The following PCGF3 variants were observed in gnomAD, a reference collection of about 807,000 sequenced individuals.
PCGF3 encodes polycomb group RING finger protein 3.
A neutral mutation model predicts 33.1 loss-of-function variants in PCGF3; 7 were observed. The observed-to-expected ratio is 0.21, with a 90% CI of 0.12 to 0.40. The LOEUF is 0.40. PCGF3 is among the 10% of genes least tolerant of loss of function. PCGF3 has a pLI of 1.00. For synonymous variants in PCGF3, 153 were observed against 121.3 expected (o/e 1.26, Z -1.72); for missense variants, 211 against 313.3 (o/e 0.67, Z 2.46).
chr4:760,103 C>T (rs1052752243), intron 8 of PCGF3, among the ~76,000 whole-genome samples: 3 of 152,248 alleles, frequency 2.0e-5, no homozygotes, highest in Non-Finnish European at 4.4e-5. Flanking sequence ...CTTATCTCCC[C>T]AGTGGCTCTT....
At chr4:712,069 C>T (rs913435211) in intron 1 of PCGF3, among the ~76,000 whole-genome samples, 1 of 151,996 alleles carries the variant, frequency 6.6e-6, no homozygotes, top group Non-Finnish European at 1.5e-5. Flanking sequence ...TATTATGATA[C>T]TTGCTGTTAA....
chr4:751,702 C>G (rs1427629005), intron 8 of PCGF3, among the ~76,000 whole-genome samples: 1 of 152,002 alleles, frequency 6.6e-6, no homozygotes, highest in Non-Finnish European at 1.5e-5. Flanking sequence ...CCGGTGGCCC[C>G]TCCAAAGGGC....
chr4:753,763 C>G (rs1577435177), intron 8 of PCGF3, among the ~76,000 whole-genome samples: 1 of 152,142 alleles, frequency 6.6e-6, no homozygotes, highest in African/African-American at 2.4e-5. Flanking sequence ...GCCTGGGCAA[C>G]AAGGTGAAAC....
At chr4:730,332 C>T (rs541567358) in intron 1 of PCGF3, among the ~76,000 whole-genome samples, 2 of 152,290 alleles carry the variant, frequency 1.3e-5, no homozygotes, top group East Asian at 3.9e-4. Context: ...CACATCCTGC[C>T]TTCTTGGGCC....
exon 11 of PCGF3, chr4:766,156 C>A (rs368273258): frequency 8.4e-7 from 1 of 1,189,094 alleles, no homozygotes; most frequent in African/African-American, 1.5e-5. Flanking sequence ...AGAACATTGC[C>A]TCTGGGTGTC....
At chr4:741,644 T>C (rs556552022) in intron 6 of PCGF3, among the ~76,000 whole-genome samples, 11 of 152,208 alleles carry the variant, frequency 7.2e-5, no homozygotes, top group African/African-American at 1.9e-4. Context: ...CCTGACCTCA[T>C]GATCCGCCCG....
At chr4:741,086 A>G (rs1182072342) in intron 6 of PCGF3, among the ~76,000 whole-genome samples, 1 of 152,246 alleles carries the variant, frequency 6.6e-6, no homozygotes, top group African/African-American at 2.4e-5. Context: ...TACTGTAGCT[A>G]TGCTGAGAGC....
In PCGF3 at chr4:736,588, A is replaced by G. The variant is rs759318397; in HGVS notation, c.207-878A>G. Among the ~76,000 whole-genome samples, 333 of 94,968 alleles carry G rather than the reference A, an allele frequency of 3.5e-3. 16 individuals carry two copies. The highest frequency in any genetic ancestry group is 7.0e-3 in the African/African-American group (162 of 23,094). The allele number at this position is 94,968 out of a possible 152,430, so 62.3% of individuals were successfully genotyped here. A position where few individuals can be genotyped will look rare whatever the true frequency, so the allele number is the denominator to read the frequency against. Reference sequence around the variant, plus strand: ...GGTGTCCCCTGAGCGCACAGGATGCAGGGAACCTGGGGTGTCCGCAGGGAC... The same window carrying G: ...GGTGTCCCCTGAGCGCACAGGATGCGGGGAACCTGGGGTGTCCGCAGGGAC... On this transcript the variant is annotated intron_variant, in intron 5 of 10. Coordinates refer to ENST00000362003, the Ensembl canonical transcript of PCGF3.
intron 3 of PCGF3, chr4:731,366 C>T (rs1021574787): frequency 1.5e-5 from 6 of 397,622 alleles, no homozygotes; most frequent in Admixed American, 4.4e-5. Context: ...CTTGGGTTCC[C>T]GGCGTGTCGC....
chr4:712,608 G>A (rs753061687), intron 1 of PCGF3, among the ~76,000 whole-genome samples: 16 of 152,072 alleles, frequency 1.1e-4, no homozygotes, highest in Non-Finnish European at 1.5e-4. Context: ...CACCATGCCC[G>A]GCTAAGTTTT....
At chr4:737,826 G>A (rs1289517567) in intron 6 of PCGF3, among the ~76,000 whole-genome samples, 1 of 152,130 alleles carries the variant, frequency 6.6e-6, no homozygotes, top group Non-Finnish European at 1.5e-5. Flanking sequence ...CTTCTTCCTG[G>A]GCCCCACCTC....
intron 1 of PCGF3, chr4:723,824 C>T (rs78140996): frequency 0.041 from 6,266 of 152,656 alleles, 170 homozygotes; most frequent in East Asian, 0.093. Flanking sequence ...GTGTGTGACG[C>T]GTCAGGCCCC....
intron 1 of PCGF3, among the ~76,000 whole-genome samples, chr4:727,408 T>C (rs1229935644): frequency 6.6e-6 from 1 of 151,852 alleles, no homozygotes; most frequent in Admixed American, 6.6e-5. Context: ...ACCTGGCTAA[T>C]TTTTTGTATT....
chr4:721,903 G>A lies in PCGF3; in HGVS notation c.-189-8727G>A, dbSNP rs1287881112. Reference sequence around the variant, plus strand: ...GGGTGGCTCTGCGTGTGGGCGTGGAGAGAGGCCTGTGGGAGGTGGGTGGAC... The same window carrying A: ...GGGTGGCTCTGCGTGTGGGCGTGGAAAGAGGCCTGTGGGAGGTGGGTGGAC... On this transcript the variant is annotated intron_variant, in intron 1 of 10. Coordinates refer to ENST00000362003, the Ensembl canonical transcript of PCGF3. The surrounding 1 kb of genome is among the most constrained non-coding windows in gnomAD (Gnocchi z 4.1). Among the ~76,000 whole-genome samples, 2 of 149,548 alleles carry A rather than the reference G, an allele frequency of 1.3e-5. No individual in the cohort carries two copies. The highest frequency in any genetic ancestry group is 5.1e-5 in the African/African-American group (2 of 39,170).
chr4:744,594 T>C lies in PCGF3; in HGVS notation c.374-6T>C. Reference sequence around the variant, plus strand: ...ATGGTGCGCTATGTTCTGTTTGTGCTAAAAGGTGAAACCAAAGCAGACGAC... The same window carrying C: ...ATGGTGCGCTATGTTCTGTTTGTGCCAAAAGGTGAAACCAAAGCAGACGAC... On this transcript the variant is annotated splice_polypyrimidine_tract_variant and splice_region_variant and intron_variant, in intron 7 of 10. Transcript: ENST00000362003. The C allele has an allele frequency of 4.5e-6, 7 of 1,552,444 alleles. 1 individual carries two copies. In the South Asian group the frequency reaches 4.8e-5, roughly 11 times the overall value.
At chr4:733,785 C>T (rs370872281) in exon 4 of PCGF3, 1 of 1,613,804 alleles carries the variant, frequency 6.2e-7, no homozygotes, top group Non-Finnish European at 8.5e-7. Context: ...AGTGTCTGCA[C>T]ACCTGTACGT....
At position 763,202 on chromosome 4, in the gene PCGF3, C is replaced by T. The variant is rs540912790; in HGVS notation, c.601-1782C>T. On this transcript the variant is annotated intron_variant, in intron 9 of 10. Coordinates refer to ENST00000362003, the Ensembl canonical transcript of PCGF3. ...TGCTAAGTTTCTATCGTTTTGTTTG[C>T]TTTTCTGTGTAGCGAAACAGAAAAG... Among the ~76,000 whole-genome samples, 3 of 152,300 alleles carry T rather than the reference C, an allele frequency of 2.0e-5. No individual in the cohort carries two copies. In the South Asian group the frequency reaches 6.2e-4, roughly 32 times the overall value.
intron 1 of PCGF3, among the ~76,000 whole-genome samples, chr4:716,595 C>CTG (rs1491275194): frequency 9.0e-6 from 1 of 111,678 alleles, no homozygotes; most frequent in Non-Finnish European, 1.8e-5. Context: ...CCTGTAGACA[C>CTG]TGAGTGTGAG....
chr4:766,580 T>TA (rs1405070601), exon 11 of PCGF3: 1 of 152,384 alleles, frequency 6.6e-6, no homozygotes, highest in Non-Finnish European at 1.5e-5. Context: ...AGAAGTTATA[T>TA]AAAAAATTAA....
Sources: allele counts gnomAD v4.1 joint callset (sites outside exome capture counted in the v4.1 genomes callset), GRCh38; gene constraint gnomAD v4.1.1; non-coding constraint Gnocchi (gnomAD v3.1); transcripts MANE v1.5; gene names NCBI Gene and HGNC (gene_info 2026-07-23, HGNC 2026-07-21).